EDAR: variants seen among roughly 807,000 people sequenced by gnomAD.
The protein encoded by EDAR is tumor necrosis factor receptor superfamily member EDAR.
Under a neutral mutation model 51.3 loss-of-function variants are expected in EDAR, and 38 were observed. The ratio of observed to expected loss-of-function variants is 0.74; its 90% confidence interval spans 0.57 to 0.97. The LOEUF is 0.97. Ranked by LOEUF, EDAR falls within the 50% of genes least tolerant of loss-of-function variation. The pLI is 0.00. For synonymous variants in EDAR, 227 were observed against 242.1 expected, an observed-to-expected ratio of 0.94 and a Z score of 0.58; for missense variants, 528 against 595.0, an observed-to-expected ratio of 0.89 and a Z score of 1.17.
At chr2:108,949,320 T>C (rs1697778154) in intron 1 of EDAR, among the ~76,000 whole-genome samples, 1 of 152,204 alleles carries the variant, frequency 6.6e-6, no homozygotes, top group Non-Finnish European at 1.5e-5. Flanking sequence ...AATACAAGTA[T>C]TAATTATTCC....
chr2:108,968,294 A>G (rs538607892), intron 1 of EDAR, among the ~76,000 whole-genome samples: 2 of 152,282 alleles, frequency 1.3e-5, no homozygotes, highest in Non-Finnish European at 2.9e-5. Flanking sequence ...ACATACTTCA[A>G]CATTTAAGAT....
intron 1 of EDAR, among the ~76,000 whole-genome samples, chr2:108,945,092 G>A (rs1697690635): frequency 6.6e-6 from 1 of 152,154 alleles, no homozygotes; most frequent in African/African-American, 2.4e-5. Context: ...CAAAGGAGTT[G>A]TGACTATGTA....
chr2:108,962,143 T>A (rs1368972632), intron 1 of EDAR, among the ~76,000 whole-genome samples: 3 of 152,168 alleles, frequency 2.0e-5, no homozygotes, highest in Non-Finnish European at 4.4e-5. Context: ...TGGCGCCCTG[T>A]CTAGGCAGCC....
chr2:108,929,993 G>A (rs560643431), intron 3 of EDAR, 127 bp downstream of exon 3: 393 of 1,172,634 alleles, frequency 3.4e-4, no homozygotes, highest in Non-Finnish European at 4.6e-4. Flanking sequence ...CGTCCAGGGA[G>A]CGTGACCGGC....
intron 1 of EDAR, among the ~76,000 whole-genome samples, chr2:108,942,288 A>G (rs778322109): frequency 6.6e-6 from 1 of 152,192 alleles, no homozygotes; most frequent in Non-Finnish European, 1.5e-5. Context: ...GAGGTGGGAG[A>G]GCCGAGGCAC....
chr2:108,930,148 G>A lies in EDAR; in HGVS notation c.146C>T (p.Pro49Leu), dbSNP rs375891208. 103 of 1,613,888 alleles carry A rather than the reference G, an allele frequency of 6.4e-5. No individual in the cohort carries two copies. Among genetic ancestry groups the A allele is most frequent in the Middle Eastern group, 5.0e-4 (3 of 6,060 alleles). The stretch of plus-strand genomic sequence containing the variant: ...GTAGGGCTCCTCTCCCGGCCCACAC[G>A]GGGGGCACTCCTGGCACAGCCCCGT... Reference protein sequence around the residue: ...QTTGLCQECPPCGPGEEPYLS... With the variant: ...QTTGLCQECPLCGPGEEPYLS... The change falls in exon 3 of 12, where the codon CCG becomes CTG. Residue 49 changes from proline to leucine, a missense_variant. Coordinates refer to ENST00000258443, the MANE Select transcript of EDAR (RefSeq NM_022336.4).
chr2:108,945,580 C>T (rs1697700019), intron 1 of EDAR, among the ~76,000 whole-genome samples: 1 of 152,038 alleles, frequency 6.6e-6, no homozygotes, highest in African/African-American at 2.4e-5. Flanking sequence ...CCACAAAGAA[C>T]ACCAGGAAAA....
intron 1 of EDAR, among the ~76,000 whole-genome samples, chr2:108,933,508 GC>G (rs1697409534): frequency 1.3e-5 from 2 of 152,174 alleles, no homozygotes. Flanking sequence ...TCGGCTGTTG[GC>G]CCAGTCACCT....
At chr2:108,964,379 G>A (rs1183669926) in intron 1 of EDAR, among the ~76,000 whole-genome samples, 1 of 152,142 alleles carries the variant, frequency 6.6e-6, no homozygotes, top group Non-Finnish European at 1.5e-5. Context: ...CTCCAAAGCA[G>A]TCCCACTAAC....
At chr2:108,968,414 C>G (rs913967477) in intron 1 of EDAR, among the ~76,000 whole-genome samples, 2 of 152,058 alleles carry the variant, frequency 1.3e-5, no homozygotes, top group Non-Finnish European at 2.9e-5. Context: ...GTTTTGCAAA[C>G]CAGGGATGTA....
chr2:108,939,036 C>T (rs1697534725), intron 1 of EDAR, among the ~76,000 whole-genome samples: 1 of 151,786 alleles, frequency 6.6e-6, no homozygotes, highest in Non-Finnish European at 1.5e-5. Context: ...CCTCAGCCTC[C>T]CAAAGTGCTG....
intron 1 of EDAR, among the ~76,000 whole-genome samples, chr2:108,972,993 T>C (rs1698263104): frequency 1.3e-5 from 2 of 149,480 alleles, no homozygotes; most frequent in Non-Finnish European, 3.0e-5. Flanking sequence ...TTTAATTGAA[T>C]TTTTTTTTTT....
At chr2:108,954,731 A>T (rs1339644433) in intron 1 of EDAR, among the ~76,000 whole-genome samples, 1 of 151,418 alleles carries the variant, frequency 6.6e-6, no homozygotes, top group Non-Finnish European at 1.5e-5. Context: ...GCTGGAGTGC[A>T]ATGGCGTGAT....
intron 1 of EDAR, among the ~76,000 whole-genome samples, chr2:108,977,513 G>A (rs1574415084): frequency 2.0e-5 from 3 of 152,012 alleles, no homozygotes; most frequent in East Asian, 1.9e-4. Flanking sequence ...CTCGTGATCC[G>A]CCAGCCTCGG....
intron 1 of EDAR, among the ~76,000 whole-genome samples, chr2:108,948,145 C>A (rs1479909669): frequency 1.3e-5 from 2 of 152,216 alleles, no homozygotes; most frequent in African/African-American, 4.8e-5. Flanking sequence ...AGAGCAGGGG[C>A]AAAATGCCAC....
chr2:108,958,786 T>C (rs1451208419), intron 1 of EDAR, among the ~76,000 whole-genome samples: 5 of 143,778 alleles, frequency 3.5e-5, no homozygotes, highest in Admixed American at 2.1e-4. Context: ...TGTGACTGGA[T>C]GTGAATGAAT....
chr2:108,967,454 C>T (rs1406187487), intron 1 of EDAR, among the ~76,000 whole-genome samples: 2 of 152,108 alleles, frequency 1.3e-5, no homozygotes, highest in Non-Finnish European at 1.5e-5. Flanking sequence ...CTGCTGTTCT[C>T]CAGGCCTTTA....
At chr2:108,959,149 G>A (rs557610602) in intron 1 of EDAR, among the ~76,000 whole-genome samples, 223 of 152,358 alleles carry the variant, frequency 1.5e-3, no homozygotes, top group African/African-American at 5.3e-3. Flanking sequence ...CGTGACTAAT[G>A]GAGTGTATAT....
chr2:108,964,016 C>A lies in EDAR; in HGVS notation c.-19+24944G>T, dbSNP rs550645617. ...GCCTGGCACTGTCCAGGACTATGGC[C>A]TCTGTGGCTGCTGAGCCTGAACTGT... On this transcript the variant is annotated intron_variant, in intron 1 of 11. Transcript: ENST00000258443. Among the ~76,000 whole-genome samples the A allele has an allele frequency of 7.3e-4, 111 of 152,312 alleles. 1 individual carries two copies. The highest frequency in any genetic ancestry group is 2.6e-3 in the African/African-American group (109 of 41,580).
Sources: gnomAD v4.1 joint callset for allele counts (sites outside exome capture counted in the v4.1 genomes callset) on GRCh38, gnomAD v4.1.1 for gene constraint, MANE v1.5 for transcripts, NCBI Gene and HGNC (gene_info 2026-07-23, HGNC 2026-07-21) for gene names.